STX17: variants seen among roughly 807,000 people sequenced by gnomAD.
STX17 encodes syntaxin-17.
In STX17, 29 loss-of-function variants were observed where a neutral mutation model predicts 35.9. The ratio of observed to expected loss-of-function variants is 0.81; its 90% CI spans 0.60 to 1.10. The LOEUF (loss-of-function observed/expected upper bound fraction) is 1.10, where lower values mean the gene tolerates loss of function less well. Among genes scored for constraint, STX17 ranks in the 50% least tolerant of loss-of-function variants. The pLI is 0.00. For missense variants in STX17, 312 were observed against 352.3 expected (o/e 0.89, Z 0.92); for synonymous variants, 92 against 118.3 (o/e 0.78, Z 1.44).
intron 3 of STX17, chr9:99,937,990 AC>A (rs1829272011): frequency 6.6e-6 from 1 of 152,070 alleles, no homozygotes; most frequent in Non-Finnish European, 1.5e-5. Context: ...TGGGGGCAAA[AC>A]CTTTTTGAGT....
At chr9:99,931,298 A>G (rs181634491) in intron 3 of STX17, among the ~76,000 whole-genome samples, 61 of 147,770 alleles carry the variant, frequency 4.1e-4, no homozygotes, top group African/African-American at 1.4e-3. Flanking sequence ...GTCTTTGTAC[A>G]GGACCTGGTT....
intron 3 of STX17, among the ~76,000 whole-genome samples, chr9:99,931,170 G>A (rs1294528675): frequency 6.6e-6 from 1 of 152,028 alleles, no homozygotes; most frequent in Non-Finnish European, 1.5e-5. Flanking sequence ...TAGTAGAAAC[G>A]GGGTTTCACC....
At chr9:99,963,748 G>C (rs1253139786) in intron 6 of STX17, among the ~76,000 whole-genome samples, 2 of 152,032 alleles carry the variant, frequency 1.3e-5, no homozygotes, top group African/African-American at 4.8e-5. Flanking sequence ...TGAATCCTCT[G>C]TTAGCAACAT....
intron 7 of STX17, among the ~76,000 whole-genome samples, 200 bp from the exon 8 acceptor site, chr9:99,968,234 G>A (rs1227540513): frequency 1.1e-4 from 17 of 152,174 alleles, no homozygotes; most frequent in Admixed American, 5.2e-4. Context: ...TTGTAGCTCA[G>A]CTCTCTAAGT....
intron 2 of STX17, among the ~76,000 whole-genome samples, chr9:99,915,897 G>A (rs187672729): frequency 1.4e-4 from 22 of 152,234 alleles, no homozygotes; most frequent in Middle Eastern, 3.4e-3. Flanking sequence ...GAGGTTTTAG[G>A]CAGTTAATAA....
chr9:99,914,258 T>TG (rs1451038581), intron 1 of STX17: 1 of 152,260 alleles, frequency 6.6e-6, no homozygotes, highest in African/African-American at 2.4e-5. Context: ...TTGTGGCTAA[T>TG]GAAATGGCAT....
intron 3 of STX17, among the ~76,000 whole-genome samples, chr9:99,936,775 CATA>C (rs2118409428): frequency 6.6e-6 from 1 of 152,186 alleles, no homozygotes; most frequent in Non-Finnish European, 1.5e-5. Context: ...TCATATACTT[CATA>C]ATATTTAAAT....
At chr9:99,953,004 G>A (rs1019373137) in intron 4 of STX17, among the ~76,000 whole-genome samples, 1 of 151,634 alleles carries the variant, frequency 6.6e-6, no homozygotes, top group Non-Finnish European at 1.5e-5. Context: ...TTGTGCACAT[G>A]TACCCTAGAA....
At chr9:99,922,588 T>C (rs1828910208) in intron 2 of STX17, among the ~76,000 whole-genome samples, 2 of 152,254 alleles carry the variant, frequency 1.3e-5, no homozygotes. Flanking sequence ...GTCTGTCATG[T>C]GTCCCACATG....
chr9:99,958,988 C>G (rs1829771686), intron 4 of STX17, among the ~76,000 whole-genome samples: 1 of 152,208 alleles, frequency 6.6e-6, no homozygotes, highest in Admixed American at 6.5e-5. Context: ...TTATTATTAC[C>G]AATAGTGACT....
rs1830020049 is a variant in STX17 at position 99,971,794 on chromosome 9, G to A, written c.*3121G>A. Among the ~76,000 whole-genome samples the A allele has an allele frequency of 6.6e-6, 1 of 152,182 alleles. No homozygotes were observed. Among genetic ancestry groups the A allele is most frequent in the Admixed American group, 6.5e-5 (1 of 15,282 alleles). On this transcript the variant is annotated 3_prime_UTR_variant, in exon 8 of 8. Coordinates refer to ENST00000259400, the MANE Select transcript of STX17 (RefSeq NM_017919.3). ...CCAGCACTTAGGGAGGCAGAGGCCA[G>A]AGGATCACTTGAGCCCAGGAGTTTG... is the stretch of plus-strand genomic sequence containing the variant.
chr9:99,911,899 G>A (rs1339698373), intron 1 of STX17, among the ~76,000 whole-genome samples: 10 of 152,172 alleles, frequency 6.6e-5, no homozygotes, highest in Non-Finnish European at 1.5e-4. Context: ...CATAATGGCT[G>A]TACTAATTTA....
chr9:99,914,865 A>G (rs1828734703), intron 1 of STX17, among the ~76,000 whole-genome samples: 1 of 152,208 alleles, frequency 6.6e-6, no homozygotes, highest in Admixed American at 6.5e-5. Flanking sequence ...TTACATAGAA[A>G]AAGACCTGGA....
At chr9:99,959,404 A>G (rs981642301) in intron 4 of STX17, among the ~76,000 whole-genome samples, 39 of 149,526 alleles carry the variant, frequency 2.6e-4, no homozygotes, top group Admixed American at 6.0e-4. Context: ...AAAATTTTAG[A>G]AAAAAAAAAT....
At chr9:99,925,669 A>T (rs2118356648) in intron 2 of STX17, among the ~76,000 whole-genome samples, 1 of 152,240 alleles carries the variant, frequency 6.6e-6, no homozygotes, top group Non-Finnish European at 1.5e-5. Context: ...TACTTCCAAG[A>T]TGTTGTCCCA....
intron 6 of STX17, among the ~76,000 whole-genome samples, chr9:99,963,513 G>T (rs954723879): frequency 6.6e-6 from 1 of 151,762 alleles, no homozygotes; most frequent in Non-Finnish European, 1.5e-5. Flanking sequence ...GATGTTATTT[G>T]ACAACAATGA....
chr9:99,915,936 T>A (rs980542758), intron 2 of STX17: 3 of 431,130 alleles, frequency 7.0e-6, no homozygotes, highest in Non-Finnish European at 4.6e-6. Context: ...GATGGTGCAC[T>A]ATAATGTAAA....
chr9:99,943,785 A>C (rs1829418229), intron 3 of STX17, among the ~76,000 whole-genome samples: 2 of 152,082 alleles, frequency 1.3e-5, no homozygotes, highest in Non-Finnish European at 2.9e-5. Flanking sequence ...CTTTATTCTT[A>C]ATCTTCTTAA....
At chr9:99,926,340 C>T (rs1828985293) in intron 2 of STX17, among the ~76,000 whole-genome samples, 1 of 151,992 alleles carries the variant, frequency 6.6e-6, no homozygotes. Flanking sequence ...CATTGCAGAT[C>T]ATGTTATTCT....
Sources: gnomAD v4.1 joint callset for allele counts (sites outside exome capture counted in the v4.1 genomes callset) on GRCh38, gnomAD v4.1.1 for gene constraint, MANE v1.5 for transcripts, NCBI Gene and HGNC (gene_info 2026-07-23, HGNC 2026-07-21) for gene names.